NAALADL2: variants seen among roughly 807,000 people sequenced by gnomAD.
The protein encoded by NAALADL2 is N-acetylated alpha-linked acidic dipeptidase like 2.
In NAALADL2, 76 loss-of-function variants were observed where a neutral mutation model predicts 87.2. The ratio of observed to expected loss-of-function variants is 0.87; its 90% CI spans 0.72 to 1.05. The LOEUF (loss-of-function observed/expected upper bound fraction) is 1.05. Among genes scored for constraint, NAALADL2 ranks in the 50% least tolerant of loss-of-function variants. NAALADL2 has a pLI of 0.00. For synonymous variants in NAALADL2, 354 were observed against 331.0 expected (o/e 1.07, Z -0.75); for missense variants, 1,089 against 945.8 (o/e 1.15, Z -1.99).
At chr3:174,573,831 C>G (rs1715208437) in intron 2 of NAALADL2, among the ~76,000 whole-genome samples, 2 of 152,142 alleles carry the variant, frequency 1.3e-5, no homozygotes, top group Non-Finnish European at 2.9e-5. Context: ...CAGGCCCCAC[C>G]TCCAACAATG....
At chr3:174,782,019 A>G (rs543229062) in intron 3 of NAALADL2, among the ~76,000 whole-genome samples, 5 of 152,280 alleles carry the variant, frequency 3.3e-5, no homozygotes, top group African/African-American at 1.2e-4. Flanking sequence ...TTCTAGCATC[A>G]TTAAAACTTT....
intron 9 of NAALADL2, among the ~76,000 whole-genome samples, chr3:175,504,928 G>T (rs996231518): frequency 6.6e-6 from 1 of 152,156 alleles, no homozygotes; most frequent in Non-Finnish European, 1.5e-5. Context: ...GAGTAGGAAG[G>T]ATGTGACGGC....
At chr3:174,797,202 A>G (rs1238341134) in intron 3 of NAALADL2, among the ~76,000 whole-genome samples, 1 of 151,140 alleles carries the variant, frequency 6.6e-6, no homozygotes, top group Non-Finnish European at 1.5e-5. Flanking sequence ...AGCACCATCT[A>G]TTGAAAAGAG....
chr3:174,702,607 A>G (rs919665668), intron 2 of NAALADL2, among the ~76,000 whole-genome samples: 1 of 152,246 alleles, frequency 6.6e-6, no homozygotes, highest in Admixed American at 6.5e-5. Flanking sequence ...GGTATTGCCT[A>G]CTACACAGCT....
intron 3 of NAALADL2, among the ~76,000 whole-genome samples, chr3:174,811,733 A>C (rs1423128286): frequency 6.6e-6 from 1 of 152,100 alleles, no homozygotes; most frequent in Non-Finnish European, 1.5e-5. Flanking sequence ...CAATGTGAGA[A>C]GGACATGAGA....
chr3:175,109,033 T>TA (rs1723731693), intron 2 of NAALADL2, among the ~76,000 whole-genome samples: 1 of 151,936 alleles, frequency 6.6e-6, no homozygotes, highest in Admixed American at 6.6e-5. Context: ...TCCACTTTCT[T>TA]ATTTTAAGTA....
intron 1 of NAALADL2, among the ~76,000 whole-genome samples, chr3:174,446,160 G>A (rs1332947644): frequency 2.0e-5 from 3 of 151,998 alleles, no homozygotes; most frequent in African/African-American, 7.3e-5. Context: ...TAAAAAATTA[G>A]ACTTTCATCA....
chr3:175,506,432 C>G (rs1470415377), intron 9 of NAALADL2, among the ~76,000 whole-genome samples: 1 of 152,172 alleles, frequency 6.6e-6, no homozygotes, highest in Non-Finnish European at 1.5e-5. Flanking sequence ...TCATCTTCCA[C>G]TCTCTAAATG....
At chr3:175,011,019 A>G (rs73881601) in intron 1 of NAALADL2, among the ~76,000 whole-genome samples, 3,525 of 152,248 alleles carry the variant, frequency 0.023, 155 homozygotes, top group African/African-American at 0.081. Flanking sequence ...TATCAGAATT[A>G]CTAGATTTTG....
chr3:174,884,989 C>T (rs1729898941), intron 1 of NAALADL2, among the ~76,000 whole-genome samples: 1 of 152,106 alleles, frequency 6.6e-6, no homozygotes, highest in African/African-American at 2.4e-5. Context: ...GTGTTTATCT[C>T]CTCAGTCAAA....
intron 1 of NAALADL2, among the ~76,000 whole-genome samples, chr3:174,487,394 G>T (rs1717920482): frequency 6.6e-6 from 1 of 151,986 alleles, no homozygotes; most frequent in African/African-American, 2.4e-5. Flanking sequence ...AATCTCCTAG[G>T]TATTCATGGA....
At chr3:174,855,947 G>T (rs981980251), upstream of NAALADL2, among the ~76,000 whole-genome samples, 2 of 139,078 alleles carry the variant, frequency 1.4e-5, no homozygotes, top group Non-Finnish European at 3.0e-5. Context: ...TATACACATA[G>T]ATATGAATAT....
At chr3:174,884,399 A>G (rs968754611) in intron 1 of NAALADL2, among the ~76,000 whole-genome samples, 8 of 152,148 alleles carry the variant, frequency 5.3e-5, no homozygotes, top group African/African-American at 1.2e-4. Flanking sequence ...CCACCATTCT[A>G]TCAATCCAGC....
chr3:175,150,351 G>A (rs2108778293), intron 2 of NAALADL2, among the ~76,000 whole-genome samples: 1 of 152,166 alleles, frequency 6.6e-6, no homozygotes, highest in Non-Finnish European at 1.5e-5. Context: ...GTCAGATTTT[G>A]TACCATTAAA....
At chr3:174,874,763 T>C (rs1395659612) in intron 1 of NAALADL2, among the ~76,000 whole-genome samples, 4 of 152,106 alleles carry the variant, frequency 2.6e-5, no homozygotes, top group South Asian at 2.1e-4. Flanking sequence ...ACATGTGTCT[T>C]GAACAGTGTG....
chr3:175,329,681 T>C (rs1307300883), intron 5 of NAALADL2, among the ~76,000 whole-genome samples: 1 of 152,186 alleles, frequency 6.6e-6, no homozygotes, highest in Non-Finnish European at 1.5e-5. Flanking sequence ...TGTCTGGTGG[T>C]TCTTATATGT....
At chr3:174,943,126 G>A (rs1738867489) in intron 1 of NAALADL2, among the ~76,000 whole-genome samples, 1 of 152,188 alleles carries the variant, frequency 6.6e-6, no homozygotes, top group African/African-American at 2.4e-5. Context: ...TTGAGTTACA[G>A]GAGTTCTTGC....
At chr3:175,313,157 C>T (rs2110320734) in intron 4 of NAALADL2, among the ~76,000 whole-genome samples, 1 of 152,064 alleles carries the variant, frequency 6.6e-6, no homozygotes, top group Middle Eastern at 3.4e-3. Flanking sequence ...TTCTGAGTAC[C>T]TGAGTCATAT....
intron 9 of NAALADL2, among the ~76,000 whole-genome samples, chr3:175,495,092 A>ATATTTTTT (rs754412056): frequency 1.0e-4 from 14 of 136,498 alleles, no homozygotes; most frequent in African/African-American, 2.9e-4. Context: ...ATATATATAT[A>ATATTTTTT]TTTTTTTTTA....
Sources: allele counts gnomAD v4.1 joint callset (sites outside exome capture counted in the v4.1 genomes callset), GRCh38; gene constraint gnomAD v4.1.1; transcripts MANE v1.5; gene names NCBI Gene and HGNC (gene_info 2026-07-23, HGNC 2026-07-21).